Variants in DLGAP1 observed in about 807,000 individuals in gnomAD.
The protein encoded by DLGAP1 is DLG associated protein 1.
A neutral mutation model predicts 90.8 loss-of-function variants in DLGAP1; 11 were observed. The ratio of observed to expected loss-of-function variants is 0.12; its 90% CI spans 0.08 to 0.20. The LOEUF is 0.20. Among genes scored for constraint, DLGAP1 ranks in the 10% least tolerant of loss-of-function variants. DLGAP1 has a pLI of 1.00. For missense variants in DLGAP1, 1,050 were observed against 1,333.8 expected (o/e 0.79, Z 3.31); for synonymous variants, 558 against 540.7 (o/e 1.03, Z -0.44).
intron 3 of DLGAP1, among the ~76,000 whole-genome samples, chr18:3,957,551 T>G (rs1239922510): frequency 6.6e-6 from 1 of 152,246 alleles, no homozygotes; most frequent in East Asian, 1.9e-4. Context: ...ATCTTAGATA[T>G]TTTTAAAATC....
rs1451076294 is a variant in DLGAP1, at chr18:4,399,267, C to CT, written c.-267+55738dup. The stretch of plus-strand genomic sequence containing the variant: ...AACTATTGACACCAAGTGGAATTAT[C>CT]TTTTTTTACACTGGAAATGTTTAAT... On this transcript the variant is annotated intron_variant, in intron 1 of 12. Coordinates refer to ENST00000315677, the MANE Select transcript of DLGAP1 (RefSeq NM_004746.4). 2.6e-5 allele frequency among the ~76,000 whole-genome samples: 4 copies of CT among 152,186 alleles called. No homozygotes were observed. The East Asian group carries it at 7.7e-4, about 29-fold the overall frequency.
chr18:4,269,562 G>A (rs1031571325), intron 1 of DLGAP1, among the ~76,000 whole-genome samples: 10 of 151,710 alleles, frequency 6.6e-5, no homozygotes, highest in African/African-American at 1.9e-4. Context: ...CACCGTGTTA[G>A]CCAGGATGGT....
intron 1 of DLGAP1, among the ~76,000 whole-genome samples, chr18:4,155,438 G>A (rs538415579): frequency 6.6e-6 from 1 of 152,304 alleles, no homozygotes; most frequent in South Asian, 2.1e-4. Flanking sequence ...AAGGCACTGT[G>A]AGGAATAGTA....
intron 2 of DLGAP1, among the ~76,000 whole-genome samples, chr18:4,005,545 T>G (rs1489569057): frequency 1.3e-5 from 2 of 152,242 alleles, no homozygotes; most frequent in African/African-American, 4.8e-5. Context: ...GTTGGCATGT[T>G]GTGTGAGTCA....
chr18:4,401,165 T>C (rs2082545985), intron 1 of DLGAP1, among the ~76,000 whole-genome samples: 1 of 152,152 alleles, frequency 6.6e-6, no homozygotes, highest in South Asian at 2.1e-4. Context: ...AAAGTTTCAT[T>C]TATTTCAGTT....
intron 3 of DLGAP1, among the ~76,000 whole-genome samples, chr18:3,932,056 C>G (rs568325600): frequency 6.6e-6 from 1 of 152,158 alleles, no homozygotes; most frequent in Non-Finnish European, 1.5e-5. Flanking sequence ...CACCAGACAC[C>G]GACAGGCCTG....
At chr18:3,513,013 ATTCCCCT>A (rs1250829974) in intron 10 of DLGAP1, among the ~76,000 whole-genome samples, 5 of 152,068 alleles carry the variant, frequency 3.3e-5, no homozygotes, top group Non-Finnish European at 7.4e-5. Context: ...CTGGACAGCA[ATTCCCCT>A]TTCCCTTTCC....
chr18:4,202,544 T>C (rs969937245), intron 1 of DLGAP1, among the ~76,000 whole-genome samples: 5 of 152,170 alleles, frequency 3.3e-5, no homozygotes, highest in African/African-American at 1.2e-4. Context: ...TCAAAGCTAG[T>C]TGAAATCAAC....
intron 3 of DLGAP1, among the ~76,000 whole-genome samples, chr18:3,912,589 T>G (rs2072059358): frequency 6.6e-6 from 1 of 152,238 alleles, no homozygotes; most frequent in East Asian, 1.9e-4. Context: ...AACATATATT[T>G]AAATATATAA....
At chr18:4,029,237 C>T (rs963630881) in intron 2 of DLGAP1, among the ~76,000 whole-genome samples, 3 of 152,136 alleles carry the variant, frequency 2.0e-5, no homozygotes, top group Non-Finnish European at 4.4e-5. Context: ...ACCATATTCT[C>T]TTTATTCATT....
At chr18:3,720,896 A>AAAAAAAAAAAAAAAAAAAAAAAAAAG (rs2061955299) in intron 7 of DLGAP1, among the ~76,000 whole-genome samples, 1 of 125,796 alleles carries the variant, frequency 7.9e-6, no homozygotes, top group African/African-American at 3.6e-5. Flanking sequence ...TACAAAAAAA[A>AAAAAAAAAAAAAAAAAAAAAAAAAAG]AAAAAAAAAA....
At chr18:4,321,805 C>T (rs1256260896) in intron 1 of DLGAP1, among the ~76,000 whole-genome samples, 1 of 152,092 alleles carries the variant, frequency 6.6e-6, no homozygotes, top group Non-Finnish European at 1.5e-5. Context: ...AAGCGTACAC[C>T]TTGAAACAAT....
intron 9 of DLGAP1, among the ~76,000 whole-genome samples, chr18:3,567,150 G>A (rs60474468): frequency 0.022 from 3,337 of 152,070 alleles, 124 homozygotes; most frequent in African/African-American, 0.077. Flanking sequence ...ATAGAAATAA[G>A]GTAAGTTCTC....
rs148632021 is a variant in DLGAP1 at position 4,224,320 on chromosome 18, A to G, written c.-266-73033T>C. Among the ~76,000 whole-genome samples, 804 of 152,296 alleles carry G rather than the reference A, an allele frequency of 5.3e-3. 2 individuals are homozygous for G. The highest frequency in any genetic ancestry group is 0.01 in the Middle Eastern group (3 of 294). Reference sequence around the variant, plus strand: ...TGAGGAGAGACCCCTTCTTCTTGAGAAAAGCAGAAACAAGAGTAAAGAAAA... The same window carrying G: ...TGAGGAGAGACCCCTTCTTCTTGAGGAAAGCAGAAACAAGAGTAAAGAAAA... On this transcript the variant is annotated intron_variant, in intron 1 of 12. Coordinates refer to ENST00000315677, the MANE Select transcript of DLGAP1 (RefSeq NM_004746.4).
intron 5 of DLGAP1, among the ~76,000 whole-genome samples, chr18:3,760,114 A>G (rs1165127773): frequency 6.6e-6 from 1 of 152,202 alleles, no homozygotes; most frequent in East Asian, 1.9e-4. Context: ...GTAATCCCCA[A>G]TGTCAGCACA....
chr18:4,007,629 C>T (rs1024513461), intron 2 of DLGAP1, among the ~76,000 whole-genome samples: 1 of 151,966 alleles, frequency 6.6e-6, no homozygotes. Flanking sequence ...GCACTCCAGC[C>T]TGGGTGACAG....
chr18:4,377,999 C>T (rs1003522595), intron 1 of DLGAP1, among the ~76,000 whole-genome samples: 1 of 151,092 alleles, frequency 6.6e-6, no homozygotes, highest in Non-Finnish European at 1.5e-5. Context: ...AAATTAAATC[C>T]ATATTACAGA....
At chr18:4,386,476 A>C (rs1020453655) in intron 1 of DLGAP1, among the ~76,000 whole-genome samples, 1 of 152,190 alleles carries the variant, frequency 6.6e-6, no homozygotes, top group African/African-American at 2.4e-5. Flanking sequence ...ATCAAATATA[A>C]CTATAGTCCA....
At chr18:3,932,418 C>T (rs531276039) in intron 3 of DLGAP1, among the ~76,000 whole-genome samples, 1 of 152,300 alleles carries the variant, frequency 6.6e-6, no homozygotes, top group South Asian at 2.1e-4. Flanking sequence ...ATGGGAACAA[C>T]CCCCACAAGG....
Sources: allele counts gnomAD v4.1 joint callset (sites outside exome capture counted in the v4.1 genomes callset), GRCh38; gene constraint gnomAD v4.1.1; transcripts MANE v1.5; gene names NCBI Gene and HGNC (gene_info 2026-07-23, HGNC 2026-07-21).